SIPA1L2: variants seen among roughly 807,000 people sequenced by gnomAD.
The protein encoded by SIPA1L2 is signal-induced proliferation-associated 1-like protein 2.
SIPA1L2 carries 56 observed loss-of-function variants against 163.9 expected under a neutral mutation model. That is an observed-to-expected ratio of 0.34 (90% CI 0.28 to 0.43). The LOEUF is 0.43. SIPA1L2 is among the 20% of genes least tolerant of loss of function. The pLI is 1.00. For missense variants in SIPA1L2, 1,974 were observed against 2,193.5 expected (o/e 0.90, Z 2.00); for synonymous variants, 877 against 865.7 (o/e 1.01, Z -0.23).
chr1:232,563,939 G>A (rs1161299871), intron 2 of SIPA1L2, among the ~76,000 whole-genome samples: 1 of 138,070 alleles, frequency 7.2e-6, no homozygotes, highest in Non-Finnish European at 1.5e-5. Flanking sequence ...GAACGACAAA[G>A]GTTTGTTTTT....
chr1:232,474,890 T>A lies in SIPA1L2; in HGVS notation c.2086-3362A>T, dbSNP rs190990307. ...ATTAGACAGTATCTGCTAGCCTCTA[T>A]GTATATGGGTTCATTTGTTAAATTA... On this transcript the variant is annotated intron_variant, in intron 7 of 22. Transcript: ENST00000674635. Among the ~76,000 whole-genome samples the A allele has an allele frequency of 1.9e-4, 29 of 152,330 alleles. No individual in the cohort carries two copies. In the East Asian group the frequency reaches 4.6e-3, roughly 24 times the overall value.
chr1:232,603,136 G>A (rs1162313958), intron 1 of SIPA1L2, among the ~76,000 whole-genome samples: 2 of 152,172 alleles, frequency 1.3e-5, no homozygotes, highest in African/African-American at 2.4e-5. Context: ...GTCTAACTGG[G>A]CGTCCTATGT....
chr1:232,478,370 G>A (rs1665151423), intron 7 of SIPA1L2, among the ~76,000 whole-genome samples: 1 of 152,150 alleles, frequency 6.6e-6, no homozygotes, highest in African/African-American at 2.4e-5. Context: ...GAAGAGACTG[G>A]GGGTCAGAGG....
intron 4 of SIPA1L2, among the ~76,000 whole-genome samples, chr1:232,492,065 A>T (rs1293442712): frequency 6.6e-6 from 1 of 152,200 alleles, no homozygotes; most frequent in Non-Finnish European, 1.5e-5. Flanking sequence ...ACTGAACAGC[A>T]TAGGTCTATA....
chr1:232,542,651 G>A (rs814216), intron 2 of SIPA1L2, among the ~76,000 whole-genome samples: 21,944 of 152,126 alleles, frequency 0.14, 4,104 homozygotes, highest in African/African-American at 0.43. Flanking sequence ...GACGCCAGGG[G>A]CTAAGTTAAA....
At chr1:232,555,381 G>T (rs1658643492) in intron 2 of SIPA1L2, among the ~76,000 whole-genome samples, 1 of 152,110 alleles carries the variant, frequency 6.6e-6, no homozygotes, top group Non-Finnish European at 1.5e-5. Flanking sequence ...ACCCCACCCT[G>T]ATCTTTATCA....
intron 3 of SIPA1L2, among the ~76,000 whole-genome samples, chr1:232,499,987 T>G (rs1205020054): frequency 6.6e-6 from 1 of 152,218 alleles, no homozygotes; most frequent in Non-Finnish European, 1.5e-5. Context: ...ACTGACTTTT[T>G]TTTTTTTTGA....
chr1:232,549,603 A>G (rs1573066469), intron 2 of SIPA1L2, among the ~76,000 whole-genome samples: 1 of 152,092 alleles, frequency 6.6e-6, no homozygotes. Flanking sequence ...GTTAAGTGGG[A>G]CACTTTTTCC....
intron 19 of SIPA1L2, among the ~76,000 whole-genome samples, 181 bp from the exon 20 acceptor site, chr1:232,404,359 T>C (rs1660523522): frequency 6.6e-6 from 1 of 152,154 alleles, no homozygotes; most frequent in African/African-American, 2.4e-5. Flanking sequence ...ATGTTTTCAC[T>C]GTTGGTTGGA....
intron 2 of SIPA1L2, among the ~76,000 whole-genome samples, chr1:232,549,137 C>T (rs1239344320): frequency 4.6e-5 from 7 of 152,196 alleles, no homozygotes; most frequent in African/African-American, 1.7e-4. Flanking sequence ...ACCCTGTCCT[C>T]CACACAACCC....
chr1:232,458,164 GA>G (rs71727045), intron 10 of SIPA1L2, among the ~76,000 whole-genome samples: 7 of 151,798 alleles, frequency 4.6e-5, no homozygotes, highest in South Asian at 2.1e-4. Context: ...GATTAATTGG[GA>G]AAAAAAACCC....
chr1:232,608,388 T>C (rs762837291), intron 1 of SIPA1L2, among the ~76,000 whole-genome samples: 5 of 152,198 alleles, frequency 3.3e-5, no homozygotes, highest in Non-Finnish European at 5.9e-5. Context: ...GATAATCTTT[T>C]AGGGATAGCT....
chr1:232,588,555 T>C (rs997330575), intron 1 of SIPA1L2, among the ~76,000 whole-genome samples: 1 of 152,194 alleles, frequency 6.6e-6, no homozygotes, highest in African/African-American at 2.4e-5. Context: ...AGTTCATAGA[T>C]AGGGTTTCAG....
chr1:232,531,806 C>T (rs929111961), intron 2 of SIPA1L2, among the ~76,000 whole-genome samples: 3 of 151,888 alleles, frequency 2.0e-5, no homozygotes, highest in Admixed American at 6.6e-5. Context: ...CGGAAGGGTA[C>T]GGTGGCTAAG....
chr1:232,418,818 C>T (rs1175055682), intron 18 of SIPA1L2, among the ~76,000 whole-genome samples: 1 of 152,156 alleles, frequency 6.6e-6, no homozygotes, highest in Non-Finnish European at 1.5e-5. Flanking sequence ...TACTGCAGAA[C>T]TGGCAAAGAA....
Position 232,460,891 on chromosome 1 carries a change from G to A in SIPA1L2, c.3091C>T (p.Arg1031Ter), listed in dbSNP as rs1226657744. ...IIQPHDDGSP[R>*]RGCSELCRIP... Reference sequence around the variant, plus strand: ...CTTGGGCCTCCCACGCCTTACCTTCGGGGCGAGCCGTCATCATGGGGCTGG... The same window carrying A: ...CTTGGGCCTCCCACGCCTTACCTTCAGGGCGAGCCGTCATCATGGGGCTGG... Residue 1031 changes from arginine (R) to a stop codon, truncating the protein, a stop_gained, in exon 10 of 23, where the codon CGA (arginine) becomes TGA (stop). Transcript: ENST00000674635. LOFTEE classifies it high-confidence loss of function. 1 of 1,612,236 alleles carries A rather than the reference G, an allele frequency of 6.2e-7. No homozygotes were observed.
At chr1:232,438,987 GA>G in intron 15 of SIPA1L2, 120 bp downstream of exon 15, 1 of 1,049,490 alleles carries the variant, frequency 9.5e-7, no homozygotes, top group South Asian at 2.2e-5. Flanking sequence ...AGACAGCTAG[GA>G]AAAATTACAC....
At chr1:232,406,329 GTTTTCTT>G (rs1374377980) in intron 19 of SIPA1L2, among the ~76,000 whole-genome samples, 2 of 152,190 alleles carry the variant, frequency 1.3e-5, no homozygotes, top group Non-Finnish European at 2.9e-5. Flanking sequence ...AGCCCCTTCG[GTTTTCTT>G]TCCTGTGTGA....
At chr1:232,559,906 A>G (rs890856896) in intron 2 of SIPA1L2, among the ~76,000 whole-genome samples, 3 of 152,226 alleles carry the variant, frequency 2.0e-5, no homozygotes, top group African/African-American at 7.2e-5. Flanking sequence ...TAAACTGACT[A>G]TCTGTTCATC....
Sources: allele counts gnomAD v4.1 joint callset (sites outside exome capture counted in the v4.1 genomes callset), GRCh38; gene constraint gnomAD v4.1.1; transcripts MANE v1.5; gene names NCBI Gene and HGNC (gene_info 2026-07-23, HGNC 2026-07-21).